Variants in SUGCT observed in about 807,000 individuals in gnomAD.
SUGCT encodes succinyl-CoA:glutarate CoA-transferase.
In SUGCT, 41 loss-of-function variants were observed where a neutral mutation model predicts 55.0. That is an observed-to-expected ratio of 0.74 (90% CI 0.58 to 0.97). The LOEUF is 0.97. Ranked by LOEUF, SUGCT falls within the 50% of genes least tolerant of loss-of-function variation. SUGCT has a pLI of 0.00. For missense variants in SUGCT, 568 were observed against 547.8 expected (o/e 1.04, Z -0.37); for synonymous variants, 187 against 200.4 (o/e 0.93, Z 0.56).
intron 11 of SUGCT, among the ~76,000 whole-genome samples, chr7:40,474,747 C>T (rs1790570037): frequency 6.6e-6 from 1 of 152,168 alleles, no homozygotes; most frequent in African/African-American, 2.4e-5. Flanking sequence ...AATCAAACTG[C>T]TCAGCTTTCA....
At chr7:40,449,600 A>C (rs182291939) in intron 10 of SUGCT, among the ~76,000 whole-genome samples, 6 of 152,166 alleles carry the variant, frequency 3.9e-5, no homozygotes, top group Non-Finnish European at 5.9e-5. Flanking sequence ...CCTGCCTACC[A>C]TTCCAAACAA....
At chr7:41,023,916 T>C in the SUGCT span, among the ~76,000 whole-genome samples, 2 of 152,338 alleles carry the variant, frequency 1.3e-5, no homozygotes, top group East Asian at 3.9e-4. Flanking sequence ...TATGTCAGTG[T>C]GAATTGCAGC....
chr7:40,573,305 A>T (rs1258237122), intron 12 of SUGCT, among the ~76,000 whole-genome samples: 1 of 152,220 alleles, frequency 6.6e-6, no homozygotes, highest in African/African-American at 2.4e-5. Flanking sequence ...GATTGTCGTC[A>T]TGTTACTCAG....
rs532486072 is a variant in SUGCT, at chr7:40,769,002, A to G, written c.1153+19505A>G. ...TACAGTGGTGAATGTAGAGAGGGAT[A>G]TTCCTTGAGAGGGCAGAACTAGGGC... On this transcript the variant is annotated intron_variant, in intron 13 of 13. Transcript: ENST00000335693. 3.3e-5 allele frequency among the ~76,000 whole-genome samples: 5 copies of G among 152,290 alleles called. No individual in the cohort carries two copies. The East Asian group carries it at 9.7e-4, about 29-fold the overall frequency.
rs570548173 is a variant in SUGCT at position 40,509,774 on chromosome 7, G to A, written c.1089+13388G>A. Among the ~76,000 whole-genome samples the A allele has an allele frequency of 1.4e-4, 21 of 152,214 alleles. 1 individual carries two copies. Among genetic ancestry groups the A allele is most frequent in the African/African-American group, 4.8e-4 (20 of 41,532 alleles). On this transcript the variant is annotated intron_variant, in intron 12 of 13. Coordinates refer to ENST00000335693, the MANE Select transcript of SUGCT (RefSeq NM_001193313.2). The stretch of plus-strand genomic sequence containing the variant: ...TGTTACCACTTGTTTGCTGGTATTT[G>A]AATTCTGTTCTTCTTCCTCAGTCCA...
chr7:40,804,502 G>T (rs1790986055), intron 13 of SUGCT, among the ~76,000 whole-genome samples: 1 of 151,974 alleles, frequency 6.6e-6, no homozygotes, highest in Non-Finnish European at 1.5e-5. Context: ...ATATCTACGA[G>T]TTGAAGTAGT....
the SUGCT span, among the ~76,000 whole-genome samples, chr7:40,948,765 C>T: frequency 4.6e-5 from 7 of 152,118 alleles, no homozygotes; most frequent in Admixed American, 4.6e-4. Context: ...TCATTCTTGT[C>T]ACTGAAAAGG....
chr7:40,234,395 A>ACAG (rs1476583664), intron 6 of SUGCT, among the ~76,000 whole-genome samples: 1 of 152,178 alleles, frequency 6.6e-6, no homozygotes, highest in African/African-American at 2.4e-5. Flanking sequence ...GGTGCCCTCT[A>ACAG]CAGCAGCACA....
At chr7:40,598,625 A>T (rs1027210516) in intron 12 of SUGCT, among the ~76,000 whole-genome samples, 4 of 152,318 alleles carry the variant, frequency 2.6e-5, no homozygotes, top group Non-Finnish European at 5.9e-5. Flanking sequence ...CAGGGGTCAA[A>T]CATCTGTTTG....
At chr7:41,022,742 A>G in the SUGCT span, among the ~76,000 whole-genome samples, 19 of 152,232 alleles carry the variant, frequency 1.2e-4, 1 homozygote. Flanking sequence ...AATATGCATT[A>G]TAATTTTAAG....
intron 12 of SUGCT, among the ~76,000 whole-genome samples, chr7:40,653,320 T>C (rs1012809253): frequency 3.9e-5 from 6 of 152,216 alleles, no homozygotes; most frequent in Non-Finnish European, 7.3e-5. Flanking sequence ...TAAAAAAGGG[T>C]TGAATATGGG....
chr7:40,609,716 G>A (rs1798688011), intron 12 of SUGCT, among the ~76,000 whole-genome samples: 1 of 152,156 alleles, frequency 6.6e-6, no homozygotes. Context: ...GATACCTGAA[G>A]AATTGGGCCG....
At chr7:41,016,465 A>G in the SUGCT span, among the ~76,000 whole-genome samples, 4 of 152,172 alleles carry the variant, frequency 2.6e-5, no homozygotes, top group African/African-American at 9.7e-5. Flanking sequence ...ATTTTAATTC[A>G]TACTTTTTTC....
At chr7:40,680,376 C>T (rs1784181444) in intron 12 of SUGCT, among the ~76,000 whole-genome samples, 1 of 152,160 alleles carries the variant, frequency 6.6e-6, no homozygotes. Context: ...GAGAATCTCT[C>T]TTTGGCTTAT....
At chr7:40,720,077 C>T (rs1414359492) in intron 12 of SUGCT, among the ~76,000 whole-genome samples, 1 of 152,162 alleles carries the variant, frequency 6.6e-6, no homozygotes, top group East Asian at 1.9e-4. Context: ...TGAGGCAGCA[C>T]ACCAGGCTGG....
chr7:40,559,332 T>C (rs1350807565), intron 12 of SUGCT, among the ~76,000 whole-genome samples: 1 of 152,208 alleles, frequency 6.6e-6, no homozygotes, highest in African/African-American at 2.4e-5. Flanking sequence ...TGCGCTGTGG[T>C]GTTTGAGTGT....
rs188244396 is a variant in SUGCT, at chr7:40,845,554, G to T, written c.1154-14762G>T. On this transcript the variant is annotated intron_variant, in intron 13 of 13. Transcript: ENST00000335693. ...AGACATTTTCAGAGATAGGACTGTG[G>T]GGCTAGCAAGGTATAAGTAAGGCCA... Among the ~76,000 whole-genome samples, 280 of 152,244 alleles carry T rather than the reference G, an allele frequency of 1.8e-3. 2 individuals carry two copies. The highest frequency in any genetic ancestry group is 3.5e-3 in the Admixed American group (53 of 15,278).
chr7:40,315,393 T>C (rs1045868875), intron 8 of SUGCT, among the ~76,000 whole-genome samples: 1 of 152,226 alleles, frequency 6.6e-6, no homozygotes, highest in Non-Finnish European at 1.5e-5. Flanking sequence ...CCTGGAATGC[T>C]CCATGGTTCA....
intron 13 of SUGCT, chr7:40,793,372 A>G (rs905065566): frequency 5.3e-5 from 8 of 152,038 alleles, no homozygotes; most frequent in African/African-American, 1.9e-4. Flanking sequence ...TCAGCTTCTG[A>G]TACTTTTTAC....
Sources: gnomAD v4.1 joint callset for allele counts (sites outside exome capture counted in the v4.1 genomes callset) on GRCh38, gnomAD v4.1.1 for gene constraint, MANE v1.5 for transcripts, NCBI Gene and HGNC (gene_info 2026-07-23, HGNC 2026-07-21) for gene names.